Variants in CTNNA3 observed in about 807,000 individuals in gnomAD.
The protein encoded by CTNNA3 is catenin alpha 3, also known as catenin alpha-3.
In CTNNA3, 76 loss-of-function variants were observed where a neutral mutation model predicts 95.7. The observed-to-expected ratio is 0.79, with a 90% confidence interval of 0.66 to 0.96. CTNNA3 has a LOEUF of 0.96. Ranked by LOEUF, CTNNA3 falls within the 40% of genes least tolerant of loss-of-function variation. The pLI is 0.00. For synonymous variants in CTNNA3, 431 were observed against 374.4 expected, an observed-to-expected ratio of 1.15 and a Z score of -1.74; for missense variants, 1,191 against 1,089.8, an observed-to-expected ratio of 1.09 and a Z score of -1.31.
chr10:67,452,689 G>A (rs1459767573), intron 5 of CTNNA3, among the ~76,000 whole-genome samples: 5 of 152,204 alleles, frequency 3.3e-5, no homozygotes, highest in Non-Finnish European at 1.5e-5. Flanking sequence ...ATTCAGATAT[G>A]TCCAGGAGGA....
chr10:66,519,202 T>C (rs1840968200), intron 11 of CTNNA3, among the ~76,000 whole-genome samples: 1 of 152,176 alleles, frequency 6.6e-6, no homozygotes, highest in South Asian at 2.1e-4. Context: ...TCTTTGTTCT[T>C]ACAACACAAA....
intron 13 of CTNNA3, among the ~76,000 whole-genome samples, chr10:66,115,567 T>TAGAC (rs199734432): frequency 1.3e-4 from 17 of 129,594 alleles, no homozygotes; most frequent in South Asian, 2.6e-4. Context: ...GATAGATAGA[T>TAGAC]AGACAGATAG....
intron 13 of CTNNA3, among the ~76,000 whole-genome samples, chr10:66,238,611 T>C (rs541033830): frequency 9.9e-5 from 15 of 151,948 alleles, no homozygotes; most frequent in African/African-American, 2.2e-4. Context: ...CAGACTTAAA[T>C]GGGAGTAAAA....
At chr10:66,193,171 T>A (rs1198903837) in intron 13 of CTNNA3, among the ~76,000 whole-genome samples, 1 of 152,150 alleles carries the variant, frequency 6.6e-6, no homozygotes, top group African/African-American at 2.4e-5. Flanking sequence ...AAGAAACCAA[T>A]GTCTAGTAGA....
chr10:66,902,770 A>C (rs1845808491), intron 7 of CTNNA3, among the ~76,000 whole-genome samples: 1 of 152,218 alleles, frequency 6.6e-6, no homozygotes, highest in Non-Finnish European at 1.5e-5. Flanking sequence ...ATAAACTAGA[A>C]AATCTAGAAG....
At chr10:67,528,391 A>T (rs551613561) in intron 4 of CTNNA3, among the ~76,000 whole-genome samples, 1 of 152,216 alleles carries the variant, frequency 6.6e-6, no homozygotes, top group African/African-American at 2.4e-5. Context: ...GTAACTTAGC[A>T]CATAGACCTT....
Position 67,063,691 on chromosome 10 carries a change from C to G in CTNNA3, c.1047+116626G>C, listed in dbSNP as rs147941854. Among the ~76,000 whole-genome samples the G allele has an allele frequency of 1.1e-4, 16 of 152,310 alleles. No individual in the cohort carries two copies. In the East Asian group the frequency reaches 3.1e-3, roughly 29 times the overall value. ...CTTAGACACCTAATACGTATGAAGT[C>G]ACACAGATAATTGGCATGAGCCAAA... On this transcript the variant is annotated intron_variant, in intron 7 of 17. Coordinates refer to ENST00000433211, the MANE Select transcript of CTNNA3 (RefSeq NM_013266.4).
intron 5 of CTNNA3, among the ~76,000 whole-genome samples, chr10:67,401,632 C>T (rs747183798): frequency 3.3e-5 from 5 of 152,088 alleles, no homozygotes; most frequent in Non-Finnish European, 5.9e-5. Context: ...ACAACAAAAT[C>T]GAAGGTACAG....
intron 10 of CTNNA3, among the ~76,000 whole-genome samples, chr10:66,540,910 T>C (rs1337423705): frequency 6.6e-6 from 1 of 152,144 alleles, no homozygotes; most frequent in African/African-American, 2.4e-5. Flanking sequence ...TCTTCATGTG[T>C]GAATTCTTCC....
intron 7 of CTNNA3, among the ~76,000 whole-genome samples, chr10:66,856,631 GT>G (rs1843694683): frequency 6.6e-6 from 1 of 151,972 alleles, no homozygotes; most frequent in Admixed American, 6.6e-5. Context: ...AGACATTGTG[GT>G]TTTGATTTGC....
chr10:67,182,062 CT>C (rs1195524534), intron 6 of CTNNA3, among the ~76,000 whole-genome samples: 2 of 152,114 alleles, frequency 1.3e-5, no homozygotes, highest in Admixed American at 1.3e-4. Flanking sequence ...AATGGAAGAA[CT>C]TTCCATGCTC....
chr10:67,479,735 A>G (rs558037064), intron 5 of CTNNA3, among the ~76,000 whole-genome samples: 1 of 152,244 alleles, frequency 6.6e-6, no homozygotes, highest in South Asian at 2.1e-4. Flanking sequence ...AATAACCAAA[A>G]TCAAAGCAGA....
In CTNNA3 at chr10:66,584,959, C is replaced by T. The variant is rs74650024; in HGVS notation, c.1374+36733G>A. Among the ~76,000 whole-genome samples, 4 of 151,986 alleles carry T rather than the reference C, an allele frequency of 2.6e-5. No individual in the cohort carries two copies. The East Asian group carries it at 5.8e-4, about 22-fold the overall frequency. On this transcript the variant is annotated intron_variant, in intron 10 of 17. Transcript: ENST00000433211. ...ATCTATGAAAGAGTTTTGCTGGACACAAAATTCTTGACCAACAGTCATTCT... is the reference window on the plus strand; with the variant it reads ...ATCTATGAAAGAGTTTTGCTGGACATAAAATTCTTGACCAACAGTCATTCT...
intron 11 of CTNNA3, among the ~76,000 whole-genome samples, chr10:66,407,026 T>C (rs1011183681): frequency 6.6e-6 from 1 of 152,154 alleles, no homozygotes. Flanking sequence ...CTATGAATTT[T>C]CTCTTCAAAG....
intron 5 of CTNNA3, among the ~76,000 whole-genome samples, chr10:67,366,974 C>G (rs1026197056): frequency 1.3e-5 from 2 of 151,746 alleles, no homozygotes; most frequent in Non-Finnish European, 2.9e-5. Context: ...AATGCAAAAC[C>G]TAAAACTAAA....
intron 6 of CTNNA3, among the ~76,000 whole-genome samples, chr10:67,201,915 T>C (rs540421598): frequency 6.6e-6 from 1 of 152,128 alleles, no homozygotes. Flanking sequence ...AAACCAAATA[T>C]GAGATCCTTC....
At chr10:67,439,598 AG>A (rs2132926469) in intron 5 of CTNNA3, among the ~76,000 whole-genome samples, 1 of 152,262 alleles carries the variant, frequency 6.6e-6, no homozygotes, top group African/African-American at 2.4e-5. Flanking sequence ...ACCTCCCACT[AG>A]GCCCCCCACC....
At chr10:67,695,645 T>C (rs990769675) in intron 1 of CTNNA3, among the ~76,000 whole-genome samples, 4 of 152,210 alleles carry the variant, frequency 2.6e-5, no homozygotes, top group Non-Finnish European at 4.4e-5. Flanking sequence ...CTTTGCTTCC[T>C]TTTCCCCACT....
At chr10:67,619,347 C>T (rs1459622492) in intron 2 of CTNNA3, among the ~76,000 whole-genome samples, 2 of 152,044 alleles carry the variant, frequency 1.3e-5, no homozygotes, top group African/African-American at 4.8e-5. Context: ...GACAAAGGCA[C>T]CAAGAACACT....
Sources: gnomAD v4.1 joint callset for allele counts (sites outside exome capture counted in the v4.1 genomes callset) on GRCh38, gnomAD v4.1.1 for gene constraint, MANE v1.5 for transcripts, NCBI Gene and HGNC (gene_info 2026-07-23, HGNC 2026-07-21) for gene names.